The following TXNDC16 variants were observed in gnomAD, a reference collection of about 807,000 sequenced individuals.
The protein encoded by TXNDC16 is thioredoxin domain-containing protein 16.
A neutral mutation model predicts 85.6 loss-of-function variants in TXNDC16; 74 were observed. The ratio of observed to expected loss-of-function variants is 0.86; its 90% CI spans 0.72 to 1.05. The LOEUF (loss-of-function observed/expected upper bound fraction) is 1.05, where lower values mean the gene tolerates loss of function less well. Among genes scored for constraint, TXNDC16 ranks in the 50% least tolerant of loss-of-function variants. The pLI is 0.00. For missense variants in TXNDC16, 959 were observed against 947.0 expected, an observed-to-expected ratio of 1.01 and a Z score of -0.17; for synonymous variants, 335 against 326.5, an observed-to-expected ratio of 1.03 and a Z score of -0.28.
chr14:52,546,107 G>C (rs896584044), intron 1 of TXNDC16, among the ~76,000 whole-genome samples: 1 of 151,964 alleles, frequency 6.6e-6, no homozygotes, highest in Non-Finnish European at 1.5e-5. Flanking sequence ...ACAACACAGA[G>C]ACCCTGTCTC....
In TXNDC16 at chr14:52,490,433, G is replaced by A. The variant is rs748863279; in HGVS notation, c.942C>T (p.Asn314=). The change falls in exon 11 of 21, where the codon AAC becomes AAT. Residue 314 remains asparagine, a synonymous_variant. Transcript: ENST00000281741. ...AGACCACATTAGCATCTTGAGGAAT[G>A]TTCACTTCCAAAGAGTCCCTTTTTC... ...LLLLRDSLEV[N]IPQDANVVFK... 1 of 1,601,582 alleles carries A rather than the reference G, an allele frequency of 6.2e-7. No homozygotes were observed. The highest frequency in any genetic ancestry group is 8.5e-7 in the Non-Finnish European group (1 of 1,175,540).
chr14:52,536,400 T>C (rs1348540730), intron 6 of TXNDC16, among the ~76,000 whole-genome samples: 3 of 152,210 alleles, frequency 2.0e-5, no homozygotes, highest in Admixed American at 6.5e-5. Flanking sequence ...CTACCCAGTC[T>C]ACTGTATTTT....
chr14:52,464,960 T>C (rs936134866), intron 16 of TXNDC16, among the ~76,000 whole-genome samples: 3 of 151,922 alleles, frequency 2.0e-5, no homozygotes, highest in Admixed American at 1.3e-4. Context: ...ATAAAAAATA[T>C]AAAGATATGC....
At position 52,544,256 on chromosome 14, in the gene TXNDC16, G is replaced by T. The variant is rs45562035; in HGVS notation, c.-74+8C>A. The T allele has an allele frequency of 6.6e-6, 1 of 151,818 alleles. No homozygotes were observed. Among genetic ancestry groups the T allele is most frequent in the Non-Finnish European group, 1.5e-5 (1 of 67,904 alleles). The allele number at this position is 151,818 out of a possible 1,614,324, so 9.4% of individuals were successfully genotyped here. On this transcript the variant is annotated splice_region_variant and intron_variant, in intron 2 of 20. Transcript: ENST00000281741. ...TCCTCCTCTTATCTTCTTTCTTGGC[G>T]TACTTACTTCCATGCTGTCCTCTGT...
In TXNDC16 at chr14:52,432,693, G is replaced by C. The variant is rs187078617; in HGVS notation, c.2195-106C>G. On this transcript the variant is annotated intron_variant, in intron 20 of 20. Transcript: ENST00000281741. ...GAAAAATATATTTGTAGAAGTGAAA[G>C]TTTTATTAGTTTTACTTATCTAAGC... 6.4e-5 allele frequency: 70 copies of C among 1,100,780 alleles called. No individual in the cohort carries two copies. The East Asian group carries it at 9.6e-4, about 15-fold the overall frequency. The allele number at this position is 1,100,780 out of a possible 1,614,324, so 68.2% of individuals were successfully genotyped here.
At chr14:52,468,374 G>A (rs2035825150) in intron 16 of TXNDC16, among the ~76,000 whole-genome samples, 1 of 151,932 alleles carries the variant, frequency 6.6e-6, no homozygotes, top group South Asian at 2.1e-4. Context: ...AAATGATAGG[G>A]TTTTTTATAG....
At chr14:52,539,931 T>C (rs541008188) in intron 4 of TXNDC16, among the ~76,000 whole-genome samples, 2 of 152,346 alleles carry the variant, frequency 1.3e-5, no homozygotes, top group South Asian at 2.1e-4. Flanking sequence ...GAATTAAACA[T>C]TACAGCTTGT....
chr14:52,432,245 A>G lies in TXNDC16; in HGVS notation c.*59T>C. The G allele has an allele frequency of 7.0e-7, 1 of 1,430,908 alleles. No individual in the cohort carries two copies. The highest frequency in any genetic ancestry group is 9.4e-7 in the Non-Finnish European group (1 of 1,062,320). 88.6% of individuals were successfully genotyped at this position (1,430,908 alleles called of 1,614,324 possible). A position where few individuals can be genotyped will look rare whatever the true frequency, so the allele number is the denominator to read the frequency against. On this transcript the variant is annotated 3_prime_UTR_variant, in exon 21 of 21. Transcript: ENST00000281741. ...TTGAAATGATTTAATATTATTCTTTAAGGAAATAAATTAAGTCTATCATGC... is the reference window on the plus strand; with the variant it reads ...TTGAAATGATTTAATATTATTCTTTGAGGAAATAAATTAAGTCTATCATGC...
chr14:52,508,775 A>C (rs1594741802), intron 9 of TXNDC16, among the ~76,000 whole-genome samples: 1 of 152,320 alleles, frequency 6.6e-6, no homozygotes, highest in East Asian at 1.9e-4. Flanking sequence ...AGGGACATGG[A>C]TGAAGCTGGA....
Position 52,472,917 on chromosome 14 carries a change from A to G in TXNDC16, c.1313-2237T>C, listed in dbSNP as rs184056140. ...GAACTAAGGACTAGACGTTTCCAAG[A>G]TGGCCGCTCTGTCTTCCCTTCTCTG... is the stretch of plus-strand genomic sequence containing the variant. On this transcript the variant is annotated intron_variant, in intron 14 of 20. Coordinates refer to ENST00000281741, the MANE Select transcript of TXNDC16 (RefSeq NM_020784.3). Among the ~76,000 whole-genome samples, 11 of 152,308 alleles carry G rather than the reference A, an allele frequency of 7.2e-5. No homozygotes were observed. The East Asian group carries it at 1.2e-3, about 16-fold the overall frequency.
At position 52,432,324 on chromosome 14, in the gene TXNDC16, C is replaced by G. The variant is rs532176604; in HGVS notation, c.2458G>C (p.Gly820Arg). The G allele has an allele frequency of 6.2e-7, 1 of 1,611,986 alleles. No individual in the cohort carries two copies. Among genetic ancestry groups the G allele is most frequent in the African/African-American group, 1.3e-5 (1 of 74,898 alleles). Residue 820 changes from glycine to arginine, a missense_variant, in exon 21 of 21, where the codon GGA (glycine) becomes CGA (arginine). Gly to Arg is a moderately radical substitution (Grantham distance 125, BLOSUM62 -2). Coordinates refer to ENST00000281741, the MANE Select transcript of TXNDC16 (RefSeq NM_020784.3). ...TAAAATTAGTTCACTTTTGAGCATC[C>G]TAACTCTTTATCACGTCTAAATGAT... ...EKSFRRDKEL[G>R]CSKVN is the part of the protein sequence containing the mutation.
At chr14:52,514,510 C>G (rs912299337) in intron 8 of TXNDC16, among the ~76,000 whole-genome samples, 1 of 152,148 alleles carries the variant, frequency 6.6e-6, no homozygotes, top group Non-Finnish European at 1.5e-5. Context: ...ATTATTATGA[C>G]AAAGTAACTT....
intron 6 of TXNDC16, among the ~76,000 whole-genome samples, chr14:52,528,781 T>C (rs1281728798): frequency 1.3e-5 from 2 of 148,780 alleles, no homozygotes; most frequent in African/African-American, 4.9e-5. Context: ...GACACAAAAT[T>C]AGTATGCAAA....
intron 8 of TXNDC16, 50 bp downstream of exon 8, chr14:52,514,827 TGAA>T (rs1252491266): frequency 2.2e-6 from 3 of 1,349,478 alleles, no homozygotes; most frequent in Admixed American, 2.0e-5. Flanking sequence ...GCGAAATAAG[TGAA>T]GAAGAAAAAA....
At chr14:52,438,768 CA>C (rs1380231909) in intron 20 of TXNDC16, among the ~76,000 whole-genome samples, 1 of 152,124 alleles carries the variant, frequency 6.6e-6, no homozygotes, top group Non-Finnish European at 1.5e-5. Context: ...TATAAAACCA[CA>C]TATTTGCTTA....
intron 16 of TXNDC16, among the ~76,000 whole-genome samples, chr14:52,467,064 TAGAC>T (rs964473582): frequency 6.6e-6 from 1 of 151,720 alleles, no homozygotes; most frequent in Admixed American, 6.6e-5. Context: ...ATAAAACTAA[TAGAC>T]TAAGTATCAA....
intron 6 of TXNDC16, among the ~76,000 whole-genome samples, chr14:52,530,389 ATT>A (rs2037501809): frequency 5.8e-5 from 1 of 17,150 alleles, no homozygotes; most frequent in African/African-American, 3.8e-4. Flanking sequence ...TATATATAAT[ATT>A]ATAATATAAT....
In TXNDC16 at chr14:52,501,743, A is replaced by C. The variant is rs184450460; in HGVS notation, c.756+9497T>G. On this transcript the variant is annotated intron_variant, in intron 9 of 20. Coordinates refer to ENST00000281741, the MANE Select transcript of TXNDC16 (RefSeq NM_020784.3). ...ATACCATCAAAGGGTATAACCCGTT[A>C]GAACAAATTTTGGTCTAAGAGGTGT... Among the ~76,000 whole-genome samples, 11 of 152,358 alleles carry C rather than the reference A, an allele frequency of 7.2e-5. No individual in the cohort carries two copies. The East Asian group carries it at 1.2e-3, about 16-fold the overall frequency.
At chr14:52,456,177 A>G (rs948548113) in intron 17 of TXNDC16, among the ~76,000 whole-genome samples, 1 of 152,224 alleles carries the variant, frequency 6.6e-6, no homozygotes, top group Non-Finnish European at 1.5e-5. Flanking sequence ...AGACATTATA[A>G]CAACATAAGC....
Sources: allele counts gnomAD v4.1 joint callset (sites outside exome capture counted in the v4.1 genomes callset), GRCh38; gene constraint gnomAD v4.1.1; transcripts MANE v1.5; gene names NCBI Gene and HGNC (gene_info 2026-07-23, HGNC 2026-07-21).